SZT2: variants seen among roughly 807,000 people sequenced by gnomAD.
SZT2 encodes SZT2 subunit of KICSTOR complex.
A neutral mutation model predicts 404.2 loss-of-function variants in SZT2; 216 were observed. The observed-to-expected ratio is 0.53, with a 90% confidence interval of 0.48 to 0.60. The LOEUF (loss-of-function observed/expected upper bound fraction) is 0.60. Among genes scored for constraint, SZT2 ranks in the 20% least tolerant of loss-of-function variants. The pLI is 0.00. For missense variants in SZT2, 3,857 were observed against 4,459.2 expected, an observed-to-expected ratio of 0.86 and a Z score of 3.85; for synonymous variants, 1,693 against 1,749.9, an observed-to-expected ratio of 0.97 and a Z score of 0.81.
intron 62 of SZT2, 128 bp downstream of exon 62, chr1:43,443,924 C>G: frequency 8.7e-7 from 1 of 1,153,894 alleles, no homozygotes; most frequent in African/African-American, 1.5e-5. Flanking sequence ...GTTTATCCCA[C>G]CAGGCTTGCA....
chr1:43,427,004 G>A (rs990352187), intron 23 of SZT2, 52 bp from the exon 24 acceptor site: 22 of 1,607,172 alleles, frequency 1.4e-5, no homozygotes, highest in Non-Finnish European at 1.8e-5. Context: ...GAGGGGAACA[G>A]GGGTTGGACA....
chr1:43,409,002 G>T (rs1257348228), intron 4 of SZT2, among the ~76,000 whole-genome samples: 1 of 152,198 alleles, frequency 6.6e-6, no homozygotes, highest in Non-Finnish European at 1.5e-5. Context: ...CGCAGGGACT[G>T]CTGGGTCTAT....
At position 43,446,355 on chromosome 1, in the gene SZT2, G is replaced by GT; in HGVS notation, c.9012dup (p.Val3005CysfsTer30). On this transcript the variant is annotated frameshift_variant, in exon 65 of 72. Transcript: ENST00000634258. LOFTEE classifies it high-confidence loss of function. ...CCTTCCCTCCAGGGCTGTTACTTCT[G>GT]TGTCAAACAGTTTGCCCTGGAATGT... is the stretch of plus-strand genomic sequence containing the variant. The GT allele has an allele frequency of 6.2e-7, 1 of 1,614,254 alleles. No homozygotes were observed. Among genetic ancestry groups the GT allele is most frequent in the Non-Finnish European group, 8.5e-7 (1 of 1,180,048 alleles).
Position 43,425,622 on chromosome 1 carries a change from T to G in SZT2, c.2794T>G (p.Tyr932Asp). The G allele has an allele frequency of 6.2e-7, 1 of 1,614,088 alleles. No individual in the cohort carries two copies. The highest frequency in any genetic ancestry group is 8.5e-7 in the Non-Finnish European group (1 of 1,180,036). Residue 932 changes from tyrosine (Y) to aspartate (D), a missense_variant, in exon 19 of 72, where the codon TAT becomes GAT. Physicochemically the swap from Tyr to Asp is radical, Grantham distance 160. Around this residue, in one of 7 missense-constraint regions of SZT2, gnomAD observed 1,725 missense variants for 1,881.0 expected, o/e 0.92. Coordinates refer to ENST00000634258, the MANE Select transcript of SZT2 (RefSeq NM_001365999.1). The surrounding 1 kb of genome is among the most constrained non-coding windows in gnomAD (Gnocchi z 4.3). ...GIWKHLQDLTYSEIPQALHPR... is the reference protein window; with the variant it reads ...GIWKHLQDLTDSEIPQALHPR... ...CTGGAAGCACCTCCAGGACCTGACG[T>G]ATTCTGAGATCCCGCAAGCTGTGAG...
At chr1:43,449,882 C>A in intron 70 of SZT2, 1 of 621,918 alleles carries the variant, frequency 1.6e-6, no homozygotes, top group Non-Finnish European at 2.9e-6. Flanking sequence ...CCAGGATCAA[C>A]TGTTACCCCT....
At position 43,423,399 on chromosome 1, in the gene SZT2, G is replaced by A. The variant is rs1027540701; in HGVS notation, c.2255+83G>A. ...TGGAGGGCATGGCTTAGCCCGGTGT[G>A]AGTAGTATAGAGGTGTGGAGTGCGT... On this transcript the variant is annotated intron_variant, in intron 15 of 71. Coordinates refer to ENST00000634258, the MANE Select transcript of SZT2 (RefSeq NM_001365999.1). 3.0e-6 allele frequency: 4 copies of A among 1,331,898 alleles called. No homozygotes were observed. In the Admixed American group the frequency reaches 8.0e-5, roughly 27 times the overall value. The allele number at this position is 1,331,898 out of a possible 1,614,324, so 82.5% of individuals were successfully genotyped here. A position where few individuals can be genotyped will look rare whatever the true frequency, so the allele number is the denominator to read the frequency against.
intron 36 of SZT2, 41 bp from the exon 37 acceptor site, chr1:43,432,231 A>G (rs775582528): frequency 2.0e-6 from 3 of 1,515,800 alleles, no homozygotes; most frequent in East Asian, 4.6e-5. Flanking sequence ...TGTAGGGAGG[A>G]CTGCCCTGCC....
At chr1:43,394,009 C>A in intron 1 of SZT2, 1 of 872,836 alleles carries the variant, frequency 1.1e-6, no homozygotes, top group Non-Finnish European at 1.4e-6. Context: ...GGTCCCTGAC[C>A]CCGAAACTCT....
chr1:43,431,965 C>CAGGCAG, intron 36 of SZT2, 64 bp downstream of exon 36: 1 of 1,583,994 alleles, frequency 6.3e-7, no homozygotes, highest in South Asian at 1.1e-5. Context: ...GCCCCAGGCA[C>CAGGCAG]AGGACTGGAA....
intron 65 of SZT2, 44 bp from the exon 66 acceptor site, chr1:43,446,911 G>T: frequency 6.4e-7 from 1 of 1,573,830 alleles, no homozygotes; most frequent in Non-Finnish European, 8.7e-7. Context: ...TGGGCAGCCA[G>T]TGCAGCCATA....
intron 1 of SZT2, among the ~76,000 whole-genome samples, chr1:43,398,547 C>T (rs769698462): frequency 1.3e-4 from 20 of 152,106 alleles, no homozygotes; most frequent in Non-Finnish European, 2.4e-4. Context: ...CACATAATAT[C>T]CCACCCACAC....
At chr1:43,416,684 C>T (rs762362086) in intron 7 of SZT2, 43 bp downstream of exon 7, 2 of 1,484,794 alleles carry the variant, frequency 1.3e-6, no homozygotes, top group East Asian at 4.6e-5. Context: ...TGGAATATCT[C>T]ACACAAAGTT....
intron 1 of SZT2, among the ~76,000 whole-genome samples, chr1:43,390,969 A>T (rs1205607376): frequency 6.6e-6 from 1 of 152,228 alleles, no homozygotes; most frequent in Admixed American, 6.5e-5. Flanking sequence ...TATGAAGTGG[A>T]CACTGTATCA....
chr1:43,426,014 T>C lies in SZT2; in HGVS notation c.2930-24T>C. ...GGGTAGGGTAATCTGCGTCTCACTG[T>C]GTCCTGTCCTTCCTCCCTCGTAGGA... is the stretch of plus-strand genomic sequence containing the variant. On this transcript the variant is annotated intron_variant, in intron 20 of 71. Transcript: ENST00000634258. This position sits in a 1 kb window ranked among gnomAD's most constrained non-coding sequence, Gnocchi z 4.9. 6.2e-7 allele frequency: 1 copy of C among 1,613,548 alleles called. No homozygotes were observed. Among genetic ancestry groups the C allele is most frequent in the Non-Finnish European group, 8.5e-7 (1 of 1,179,560 alleles).
At position 43,448,525 on chromosome 1, in the gene SZT2, C is replaced by T; in HGVS notation, c.9969+41C>T. ...CTCCCGAAAGAGCTGGGATAGGTGC[C>T]AGGAATTCCACTGGCAGCCAGGGCA... On this transcript the variant is annotated intron_variant, in intron 69 of 71. Coordinates refer to ENST00000634258, the MANE Select transcript of SZT2 (RefSeq NM_001365999.1). This position sits in a 1 kb window ranked among gnomAD's most constrained non-coding sequence, Gnocchi z 4.2. 13 of 1,610,420 alleles carry T rather than the reference C, an allele frequency of 8.1e-6. No individual in the cohort carries two copies. The highest frequency in any genetic ancestry group is 1.3e-5 in the African/African-American group (1 of 74,910).
intron 7 of SZT2, among the ~76,000 whole-genome samples, chr1:43,418,729 G>C (rs1190110144): frequency 6.6e-6 from 1 of 152,230 alleles, no homozygotes; most frequent in Non-Finnish European, 1.5e-5. Flanking sequence ...TGCTTATGAA[G>C]TTGTCTGAAT....
Position 43,454,116 on chromosome 1 carries a change from G to T in SZT2, c.*3636G>T. 1 of 981,268 alleles carries T rather than the reference G, an allele frequency of 1.0e-6. No individual in the cohort carries two copies. The highest frequency in any genetic ancestry group is 1.2e-6 in the Non-Finnish European group (1 of 802,816). The allele number at this position is 981,268 out of a possible 1,614,324, so 60.8% of individuals were successfully genotyped here. On this transcript the variant is annotated 3_prime_UTR_variant, in exon 72 of 72. Coordinates refer to ENST00000634258, the MANE Select transcript of SZT2 (RefSeq NM_001365999.1). Reference sequence around the variant, plus strand: ...CGAAGCAAGAGAGAGCTGGCTGCCCGAGGGCCCGGTTGCAATGATGGGACG... The same window carrying T: ...CGAAGCAAGAGAGAGCTGGCTGCCCTAGGGCCCGGTTGCAATGATGGGACG...
At chr1:43,405,568 T>C (rs1650203336) in intron 4 of SZT2, 1 of 152,254 alleles carries the variant, frequency 6.6e-6, no homozygotes, top group African/African-American at 2.4e-5. Context: ...CATTGTCACC[T>C]TAGCTATCAA....
chr1:43,437,550 T>C lies in SZT2; in HGVS notation c.6290+42T>C, dbSNP rs753027234. The C allele has an allele frequency of 8.1e-6, 13 of 1,613,940 alleles. No homozygotes were observed. The African/African-American group carries it at 1.7e-4, about 22-fold the overall frequency. ...AGGTGGGTAGGGCATGAATTAAGGA[T>C]GGCCTGGGAGGAGGCATGTCCAAAG... is the stretch of plus-strand genomic sequence containing the variant. On this transcript the variant is annotated intron_variant, in intron 44 of 71. Coordinates refer to ENST00000634258, the MANE Select transcript of SZT2 (RefSeq NM_001365999.1). This position sits in a 1 kb window ranked among gnomAD's most constrained non-coding sequence, Gnocchi z 5.3.
Sources: allele counts gnomAD v4.1 joint callset (sites outside exome capture counted in the v4.1 genomes callset), GRCh38; gene constraint gnomAD v4.1.1; regional missense constraint gnomAD v4.1.1; non-coding constraint Gnocchi (gnomAD v3.1); transcripts MANE v1.5; gene names NCBI Gene and HGNC (gene_info 2026-07-23, HGNC 2026-07-21).